The following FBXO9 variants were observed in gnomAD, a reference collection of about 807,000 sequenced individuals.
FBXO9 encodes F-box only protein 9.
A neutral mutation model predicts 63.7 loss-of-function variants in FBXO9; 43 were observed. The observed-to-expected ratio is 0.67, with a 90% CI of 0.53 to 0.87. The LOEUF is 0.87. Ranked by LOEUF, FBXO9 falls within the 40% of genes least tolerant of loss-of-function variation. FBXO9 has a pLI of 0.00. For synonymous variants in FBXO9, 156 were observed against 171.7 expected (o/e 0.91, Z 0.72); for missense variants, 442 against 533.2 (o/e 0.83, Z 1.68).
rs1289380762 is a variant in FBXO9, at chr6:53,071,074, T to C, written c.21T>C (p.Asp7=). ...CCCCTCAGGCAGAAGCTGAGGAAGA[T>C]TGTCATTCTGATACTGTCAGAGCAG... MAEAEE[D]CHSDTVRADD... The change falls in exon 2 of 13, where the codon GAT becomes GAC. Residue 7 remains aspartate, a synonymous_variant. Coordinates refer to ENST00000323557, the MANE Select transcript of FBXO9 (RefSeq NM_033480.3). 1.3e-6 allele frequency: 2 copies of C among 1,574,796 alleles called. No homozygotes were observed. The highest frequency in any genetic ancestry group is 2.7e-5 in the African/African-American group (2 of 74,280).
intron 1 of FBXO9, among the ~76,000 whole-genome samples, chr6:53,069,659 C>T (rs1028034360): frequency 1.4e-4 from 22 of 152,130 alleles, no homozygotes; most frequent in Admixed American, 1.3e-3. Flanking sequence ...TACAGAAAAA[C>T]GACCCAGTTT....
At chr6:53,094,716 T>C (rs369957243) in intron 11 of FBXO9, 1 of 428,472 alleles carries the variant, frequency 2.3e-6, no homozygotes. Flanking sequence ...CATCTGCGAG[T>C]CCTATCACCT....
intron 3 of FBXO9, 129 bp from the exon 4 acceptor site, chr6:53,076,357 G>A: frequency 4.7e-6 from 3 of 632,084 alleles, no homozygotes; most frequent in Non-Finnish European, 8.2e-6. Flanking sequence ...TGAGGTTTAG[G>A]TCAAGGTTCA....
chr6:53,076,132 A>G (rs1769100992), intron 3 of FBXO9, among the ~76,000 whole-genome samples: 2 of 152,136 alleles, frequency 1.3e-5, no homozygotes, highest in Admixed American at 1.3e-4. Context: ...AAATATTTTC[A>G]TCCTCTTAAC....
At chr6:53,082,193 A>G (rs1183521170) in intron 6 of FBXO9, among the ~76,000 whole-genome samples, 1 of 152,246 alleles carries the variant, frequency 6.6e-6, no homozygotes, top group Non-Finnish European at 1.5e-5. Context: ...TAGATGCAAT[A>G]TGGATCACAC....
intron 1 of FBXO9, among the ~76,000 whole-genome samples, chr6:53,067,625 A>G (rs1768753184): frequency 6.6e-6 from 1 of 152,164 alleles, no homozygotes; most frequent in African/African-American, 2.4e-5. Context: ...AAACTAAATT[A>G]CAAAGGATAC....
Position 53,081,087 on chromosome 6 carries a change from T to G in FBXO9, c.527T>G (p.Ile176Ser), listed in dbSNP as rs754274757. The change falls in exon 6 of 13, where the codon ATT (isoleucine) becomes AGT (serine). Residue 176 changes from isoleucine to serine, a missense_variant. Transcript: ENST00000323557. ...LCQPELESSQIHISVLPMEVL... is the reference protein window; with the variant it reads ...LCQPELESSQSHISVLPMEVL... The stretch of plus-strand genomic sequence containing the variant: ...CAGCCTGAGCTTGAGAGCAGTCAGA[T>G]TCACATATCAGGTGTGAATACTTGT... 26 of 1,611,118 alleles carry G rather than the reference T, an allele frequency of 1.6e-5. No individual in the cohort carries two copies. The East Asian group carries it at 5.1e-4, about 32-fold the overall frequency.
chr6:53,071,209 C>G, intron 2 of FBXO9, 66 bp downstream of exon 2: 1 of 1,430,200 alleles, frequency 7.0e-7, no homozygotes. Context: ...AGAAATTGAT[C>G]ATAATCATGG....
intron 3 of FBXO9, among the ~76,000 whole-genome samples, chr6:53,074,913 AATATGTGTGT>A (rs1769045014): frequency 6.6e-6 from 1 of 152,196 alleles, no homozygotes; most frequent in Admixed American, 6.5e-5. Context: ...GAGCTATGGA[AATATGTGTGT>A]AGGTTTTCTC....
chr6:53,065,870 G>C (rs1322738937), intron 1 of FBXO9, 78 bp downstream of exon 1: 2 of 1,252,618 alleles, frequency 1.6e-6, no homozygotes, highest in Non-Finnish European at 2.0e-6. Flanking sequence ...CCTAGGGCTG[G>C]GGGTCGGCGG....
intron 7 of FBXO9, among the ~76,000 whole-genome samples, chr6:53,088,422 T>G (rs1762952944): frequency 6.6e-6 from 1 of 152,220 alleles, no homozygotes; most frequent in African/African-American, 2.4e-5. Flanking sequence ...AACAATAGGC[T>G]ATAAGATGTA....
chr6:53,067,947 C>G (rs183817894), intron 1 of FBXO9: 1 of 152,266 alleles, frequency 6.6e-6, no homozygotes, highest in African/African-American at 2.4e-5. Flanking sequence ...CATATACTAA[C>G]TGGTTCAAGT....
chr6:53,069,135 G>C (rs760415564), intron 1 of FBXO9, among the ~76,000 whole-genome samples: 1 of 152,160 alleles, frequency 6.6e-6, no homozygotes, highest in African/African-American at 2.4e-5. Context: ...ACTATTTGCT[G>C]AACTCCATAG....
At chr6:53,081,945 T>C (rs1395753641) in intron 6 of FBXO9, among the ~76,000 whole-genome samples, 1 of 152,078 alleles carries the variant, frequency 6.6e-6, no homozygotes, top group South Asian at 2.1e-4. Context: ...GGCGCATGAC[T>C]GTAGTCCCAC....
intron 7 of FBXO9, among the ~76,000 whole-genome samples, chr6:53,090,423 G>A (rs7774701): frequency 2.2e-3 from 340 of 152,246 alleles, no homozygotes; most frequent in African/African-American, 7.5e-3. Context: ...TGCAGTGGTC[G>A]TTTACATCTA....
At chr6:53,084,442 C>G (rs1466945882) in intron 7 of FBXO9, among the ~76,000 whole-genome samples, 1 of 152,156 alleles carries the variant, frequency 6.6e-6, no homozygotes, top group Non-Finnish European at 1.5e-5. Flanking sequence ...TTCAATTACA[C>G]CATTATCCTG....
Position 53,069,385 on chromosome 6 carries a change from GT to G in FBXO9, c.4-1669del, listed in dbSNP as rs200497217. ...ATTTTCTGTTTTGGGACTTGTAGAA[GT>G]TTATGGACACTAAAATTATTTGGGC... On this transcript the variant is annotated intron_variant, in intron 1 of 12. Transcript: ENST00000323557. 3.6e-3 allele frequency among the ~76,000 whole-genome samples: 546 copies of G among 152,318 alleles called. 4 individuals are homozygous for G. The highest frequency in any genetic ancestry group is 0.02 in the South Asian group (99 of 4,830).
At chr6:53,076,805 T>A (rs962273779) in intron 4 of FBXO9, among the ~76,000 whole-genome samples, 1 of 151,358 alleles carries the variant, frequency 6.6e-6, no homozygotes, top group African/African-American at 2.4e-5. Flanking sequence ...TTTTTAAATT[T>A]GTATTTATTT....
At chr6:53,070,435 A>G (rs1203104387) in intron 1 of FBXO9, among the ~76,000 whole-genome samples, 4 of 152,158 alleles carry the variant, frequency 2.6e-5, no homozygotes, top group Non-Finnish European at 5.9e-5. Context: ...ATAGTAATAG[A>G]CTTGAATTGT....
Sources: gnomAD v4.1 joint callset for allele counts (sites outside exome capture counted in the v4.1 genomes callset) on GRCh38, gnomAD v4.1.1 for gene constraint, MANE v1.5 for transcripts, NCBI Gene and HGNC (gene_info 2026-07-23, HGNC 2026-07-21) for gene names.